Variants in MYZAP observed in about 807,000 individuals in gnomAD.
MYZAP encodes myocardial zonula adherens protein, also known as GRINL1A complex locus upstream.
Under a neutral mutation model 69.4 loss-of-function variants are expected in MYZAP, and 66 were observed. The observed-to-expected ratio is 0.95, with a 90% CI of 0.78 to 1.17. MYZAP has a LOEUF of 1.17. Ranked by LOEUF, MYZAP falls within the 50% of genes most tolerant of loss-of-function variation. The pLI is 0.00. For synonymous variants in MYZAP, 256 were observed against 205.9 expected (o/e 1.24, Z -2.09); for missense variants, 611 against 556.2 (o/e 1.10, Z -0.99).
At chr15:57,605,775 G>A (rs999462920) in intron 2 of MYZAP, among the ~76,000 whole-genome samples, 1 of 152,116 alleles carries the variant, frequency 6.6e-6, no homozygotes, top group Non-Finnish European at 1.5e-5. Context: ...AGATGAGGGG[G>A]ATATGGGACC....
chr15:57,594,945 C>A (rs1352810043), intron 1 of MYZAP, among the ~76,000 whole-genome samples: 1 of 152,202 alleles, frequency 6.6e-6, no homozygotes, highest in African/African-American at 2.4e-5. Flanking sequence ...AACATGTTAT[C>A]CATTAAAATT....
intron 10 of MYZAP, among the ~76,000 whole-genome samples, chr15:57,657,197 A>G (rs1292496651): frequency 1.3e-5 from 2 of 152,222 alleles, no homozygotes; most frequent in East Asian, 3.9e-4. Context: ...AGAGACAGTG[A>G]AACGAGTGTA....
At chr15:57,648,039 A>G in intron 10 of MYZAP, 2 of 985,228 alleles carry the variant, frequency 2.0e-6, no homozygotes, top group Non-Finnish European at 2.4e-6. Flanking sequence ...GTGCTACTCA[A>G]AAGTTTGAGG....
chr15:57,604,410 C>T (rs1452676000), intron 2 of MYZAP, 55 bp downstream of exon 2: 3 of 1,594,128 alleles, frequency 1.9e-6, no homozygotes, highest in Middle Eastern at 3.3e-4. Context: ...TACCCTTAAC[C>T]CACTCTCCCA....
At chr15:57,646,919 C>A (rs1253050841) in intron 10 of MYZAP, 7 of 985,268 alleles carry the variant, frequency 7.1e-6, no homozygotes, top group East Asian at 2.3e-4. Context: ...TTATAGAGGT[C>A]TTTCTTGAGA....
chr15:57,639,570 GCCTGGGATTGCTT>G, intron 10 of MYZAP, 25 bp downstream of exon 10: 2 of 1,606,294 alleles, frequency 1.2e-6, no homozygotes, highest in Non-Finnish European at 1.7e-6. Flanking sequence ...AAGGTCACAG[GCCTGGGATTGCTT>G]CCTGTGGTGG....
Position 57,684,415 on chromosome 15 carries a change from A to T in MYZAP, c.1318A>T (p.Thr440Ser). 1 of 1,612,766 alleles carries T rather than the reference A, an allele frequency of 6.2e-7. No homozygotes were observed. The highest frequency in any genetic ancestry group is 2.2e-5 in the East Asian group (1 of 44,870). The change falls in exon 13 of 13, where the codon ACT (threonine) becomes TCT (serine). Residue 440 changes from threonine to serine, a missense_variant. By Grantham distance (58) the Thr-to-Ser change is moderately conservative. Coordinates refer to ENST00000267853, the MANE Select transcript of MYZAP (RefSeq NM_001018100.5). The stretch of plus-strand genomic sequence containing the variant: ...CTCATTTCTCAGCCAAACAGGCAGG[A>T]CTCGTGAAATTGTGATGCCTTCTAG... ...CDLLPSQTGR[T>S]REIVMPSRNY...
chr15:57,629,331 G>T (rs2036357004), intron 5 of MYZAP, among the ~76,000 whole-genome samples: 1 of 152,084 alleles, frequency 6.6e-6, no homozygotes, highest in African/African-American at 2.4e-5. Context: ...TTCAAAATGG[G>T]ATTATACTAT....
At chr15:57,656,809 G>A (rs1196796753) in intron 10 of MYZAP, among the ~76,000 whole-genome samples, 2 of 152,180 alleles carry the variant, frequency 1.3e-5, no homozygotes. Context: ...CAGGATAAAA[G>A]CAAATCTGCA....
chr15:57,667,470 A>G, intron 11 of MYZAP, among the ~76,000 whole-genome samples: 1 of 152,168 alleles, frequency 6.6e-6, no homozygotes, highest in Non-Finnish European at 1.5e-5. Context: ...GAAAGCAGGA[A>G]AACCATGGAA....
chr15:57,621,774 C>G (rs1458892657), intron 4 of MYZAP, 74 bp downstream of exon 4: 1 of 1,400,186 alleles, frequency 7.1e-7, no homozygotes, highest in African/African-American at 1.4e-5. Context: ...TGGCTAGTGC[C>G]TAAAGATATT....
At chr15:57,593,215 C>CACACACACACACACACACA (rs1358695314) in intron 1 of MYZAP, among the ~76,000 whole-genome samples, 1 of 141,912 alleles carries the variant, frequency 7.0e-6, no homozygotes, top group Admixed American at 6.8e-5. Flanking sequence ...CACACACACA[C>CACACACACACACACACACA]CCCAGAATCC....
chr15:57,636,546 AG>A (rs1345176486), intron 8 of MYZAP, among the ~76,000 whole-genome samples: 1 of 152,238 alleles, frequency 6.6e-6, no homozygotes, highest in Non-Finnish European at 1.5e-5. Flanking sequence ...CCGAACATAA[AG>A]ATGAGGAACA....
intron 12 of MYZAP, among the ~76,000 whole-genome samples, chr15:57,680,191 T>C (rs1293041412): frequency 6.6e-6 from 1 of 152,194 alleles, no homozygotes; most frequent in Non-Finnish European, 1.5e-5. Flanking sequence ...ACTCAGTATA[T>C]TGCAGTCACT....
chr15:57,649,162 T>G (rs2037601521), intron 10 of MYZAP, among the ~76,000 whole-genome samples: 1 of 152,224 alleles, frequency 6.6e-6, no homozygotes, highest in Non-Finnish European at 1.5e-5. Context: ...GATAGACATT[T>G]TTATTCTTTT....
At chr15:57,663,652 A>G (rs1414497541) in intron 11 of MYZAP, among the ~76,000 whole-genome samples, 1 of 152,152 alleles carries the variant, frequency 6.6e-6, no homozygotes, top group African/African-American at 2.4e-5. Context: ...GGGTTGTGGC[A>G]GTTCTAGCCT....
intron 2 of MYZAP, among the ~76,000 whole-genome samples, chr15:57,613,521 C>G (rs2035245486): frequency 6.6e-6 from 1 of 152,152 alleles, no homozygotes; most frequent in South Asian, 2.1e-4. Flanking sequence ...CAGGCACACA[C>G]CACCACATCA....
chr15:57,675,390 T>C (rs2039067882), intron 12 of MYZAP, among the ~76,000 whole-genome samples: 1 of 152,108 alleles, frequency 6.6e-6, no homozygotes, highest in South Asian at 2.1e-4. Flanking sequence ...GCCAGACAGT[T>C]ATGACACAGA....
chr15:57,673,490 G>A (rs2038972980), intron 11 of MYZAP, among the ~76,000 whole-genome samples: 1 of 150,414 alleles, frequency 6.6e-6, no homozygotes, highest in Admixed American at 6.6e-5. Context: ...GTGTGTGTGT[G>A]TGTGTGTGTG....
Sources: gnomAD v4.1 joint callset for allele counts (sites outside exome capture counted in the v4.1 genomes callset) on GRCh38, gnomAD v4.1.1 for gene constraint, MANE v1.5 for transcripts, NCBI Gene and HGNC (gene_info 2026-07-23, HGNC 2026-07-21) for gene names.